DLGAP2: variants seen among roughly 807,000 people sequenced by gnomAD.
The protein encoded by DLGAP2 is DLG associated protein 2.
DLGAP2 carries 26 observed loss-of-function variants against 100.3 expected under a neutral mutation model. That is an observed-to-expected ratio of 0.26 (90% CI 0.19 to 0.36). The LOEUF is 0.36. Among genes scored for constraint, DLGAP2 ranks in the 10% least tolerant of loss-of-function variants. The pLI is 1.00. For missense variants in DLGAP2, 1,858 were observed against 1,453.2 expected, an observed-to-expected ratio of 1.28 and a Z score of -4.53; for synonymous variants, 886 against 630.1, an observed-to-expected ratio of 1.41 and a Z score of -6.08.
chr8:1,130,968 G>C (rs1390550302), intron 2 of DLGAP2, among the ~76,000 whole-genome samples: 1 of 152,186 alleles, frequency 6.6e-6, no homozygotes, highest in East Asian at 1.9e-4. Flanking sequence ...TCCTGGCTGT[G>C]TCCTACTGTT....
intron 3 of DLGAP2, among the ~76,000 whole-genome samples, chr8:1,373,167 C>A (rs1006157566): frequency 3.9e-5 from 6 of 152,154 alleles, no homozygotes; most frequent in African/African-American, 1.4e-4. Context: ...TTGCTTTGGC[C>A]GTTGGAGCGT....
chr8:949,383 G>A (rs969247380), intron 2 of DLGAP2, among the ~76,000 whole-genome samples: 3 of 152,198 alleles, frequency 2.0e-5, no homozygotes, highest in Non-Finnish European at 4.4e-5. Context: ...AGTGTTTAGA[G>A]CCACGGATTG....
intron 1 of DLGAP2, among the ~76,000 whole-genome samples, chr8:889,872 G>A (rs1797998780): frequency 6.6e-6 from 1 of 152,246 alleles, no homozygotes; most frequent in Admixed American, 6.5e-5. Flanking sequence ...GGCTGGAACT[G>A]TAGGCCCCAG....
Position 1,626,753 on chromosome 8 carries a change from C to T in DLGAP2, c.1456C>T (p.Gln486Ter). The change falls in exon 7 of 15, where the codon CAA becomes TAA. Residue 486 changes from glutamine to a stop codon, truncating the protein, a stop_gained. Coordinates refer to ENST00000637795, the MANE Select transcript of DLGAP2 (RefSeq NM_001346810.2). LOFTEE classifies it high-confidence loss of function. ...TCTTTCCTGTAGCCAGACCTACCTG[C>T]AAGCTGCAAGCGATGTGCCTGTGGG... ...LGEHQTQTYLQAASDVPVGHS... is the reference protein window; with the variant it reads ...LGEHQTQTYL 6.2e-7 allele frequency: 1 copy of T among 1,602,506 alleles called. No homozygotes were observed. The highest frequency in any genetic ancestry group is 8.5e-7 in the Non-Finnish European group (1 of 1,174,898).
intron 6 of DLGAP2, among the ~76,000 whole-genome samples, chr8:1,584,666 G>A (rs1462683510): frequency 6.6e-6 from 1 of 152,144 alleles, no homozygotes; most frequent in Non-Finnish European, 1.5e-5. Flanking sequence ...AGGCATCTGG[G>A]CATGAGGTGA....
chr8:1,588,737 C>CT (rs1796200690), intron 6 of DLGAP2, among the ~76,000 whole-genome samples: 1 of 30,670 alleles, frequency 3.3e-5, no homozygotes, highest in Non-Finnish European at 6.4e-5. Context: ...GCTGTCTTTA[C>CT]TAAAAAAAAA....
chr8:1,446,457 G>A (rs1200632993), intron 3 of DLGAP2, among the ~76,000 whole-genome samples: 4 of 152,164 alleles, frequency 2.6e-5, no homozygotes, highest in Admixed American at 6.5e-5. Flanking sequence ...CTATAGCTCT[G>A]TTTTGGTACC....
intron 2 of DLGAP2, among the ~76,000 whole-genome samples, chr8:1,072,288 G>C (rs761484535): frequency 6.6e-6 from 1 of 152,142 alleles, no homozygotes; most frequent in Non-Finnish European, 1.5e-5. Context: ...GGGGATGGTA[G>C]ACATTGTAAT....
At chr8:841,691 C>G (rs921562424) in intron 1 of DLGAP2, among the ~76,000 whole-genome samples, 1 of 152,114 alleles carries the variant, frequency 6.6e-6, no homozygotes, top group Non-Finnish European at 1.5e-5. Flanking sequence ...AAGCGATTCT[C>G]CTGCCTCAGC....
At chr8:1,024,815 C>T (rs1436125384) in intron 2 of DLGAP2, among the ~76,000 whole-genome samples, 4 of 152,148 alleles carry the variant, frequency 2.6e-5, no homozygotes, top group East Asian at 3.9e-4. Context: ...CTTAGGCCAG[C>T]GGCGTCTCAA....
At chr8:1,027,657 G>A (rs1380566462) in intron 2 of DLGAP2, among the ~76,000 whole-genome samples, 15 of 146,800 alleles carry the variant, frequency 1.0e-4, no homozygotes, top group Non-Finnish European at 1.6e-4. Flanking sequence ...GGTACCAGGC[G>A]CCCGTTATTC....
chr8:831,436 A>T (rs556309055), intron 1 of DLGAP2, among the ~76,000 whole-genome samples: 25 of 152,076 alleles, frequency 1.6e-4, no homozygotes, highest in Admixed American at 1.2e-3. Context: ...TCATTGTTCA[A>T]TTCCTACCTA....
chr8:1,585,492 G>T (rs145451856), intron 6 of DLGAP2, among the ~76,000 whole-genome samples: 4 of 152,196 alleles, frequency 2.6e-5, no homozygotes, highest in African/African-American at 9.7e-5. Context: ...TCAGTTCAGG[G>T]GGCTGTAGTG....
chr8:912,034 G>A (rs867926648), intron 2 of DLGAP2, among the ~76,000 whole-genome samples: 2 of 152,314 alleles, frequency 1.3e-5, no homozygotes, highest in South Asian at 4.1e-4. Flanking sequence ...CAATTGGCGG[G>A]GTTCTGACTT....
At chr8:1,408,086 C>G (rs745356907) in intron 3 of DLGAP2, among the ~76,000 whole-genome samples, 24 of 152,334 alleles carry the variant, frequency 1.6e-4, no homozygotes, top group Non-Finnish European at 3.4e-4. Context: ...GGGATAGAAT[C>G]GTCTCCTGAG....
chr8:1,477,784 T>C (rs1363128008), intron 3 of DLGAP2, among the ~76,000 whole-genome samples: 1 of 134,894 alleles, frequency 7.4e-6, no homozygotes, highest in African/African-American at 2.8e-5. Flanking sequence ...CCTAGAATAA[T>C]TGAAAGGTGA....
At chr8:1,371,029 G>A (rs188146923) in intron 3 of DLGAP2, among the ~76,000 whole-genome samples, 8 of 152,340 alleles carry the variant, frequency 5.3e-5, no homozygotes, top group Admixed American at 1.3e-4. Context: ...AATACCATTC[G>A]TGTAATATGA....
intron 6 of DLGAP2, among the ~76,000 whole-genome samples, chr8:1,608,761 G>T (rs1187255885): frequency 6.7e-6 from 1 of 149,042 alleles, no homozygotes; most frequent in African/African-American, 2.5e-5. Context: ...CTCAGGAGCC[G>T]ATGCGATCAA....
At chr8:1,542,829 C>T (rs1801407663) in intron 4 of DLGAP2, among the ~76,000 whole-genome samples, 1 of 152,102 alleles carries the variant, frequency 6.6e-6, no homozygotes, top group Admixed American at 6.5e-5. Context: ...TTCTCCCTTC[C>T]CCAGCAGCGT....
Sources: gnomAD v4.1 joint callset for allele counts (sites outside exome capture counted in the v4.1 genomes callset) on GRCh38, gnomAD v4.1.1 for gene constraint, MANE v1.5 for transcripts, NCBI Gene and HGNC (gene_info 2026-07-23, HGNC 2026-07-21) for gene names.